TENM3: variants seen among roughly 807,000 people sequenced by gnomAD.
The protein encoded by TENM3 is teneurin-3.
Under a neutral mutation model 255.1 loss-of-function variants are expected in TENM3, and 63 were observed. The observed-to-expected ratio is 0.25, with a 90% CI of 0.20 to 0.30. The LOEUF (loss-of-function observed/expected upper bound fraction) is 0.30. TENM3 is among the 10% of genes least tolerant of loss of function. The pLI is 1.00. For synonymous variants in TENM3, 1,306 were observed against 1,322.3 expected (o/e 0.99, Z 0.27); for missense variants, 2,929 against 3,461.1 (o/e 0.85, Z 3.86).
chr4:182,684,882 C>CA (rs1469962973), intron 11 of TENM3, among the ~76,000 whole-genome samples: 1 of 152,104 alleles, frequency 6.6e-6, no homozygotes, highest in Admixed American at 6.6e-5. Flanking sequence ...GAAGCTAATT[C>CA]ACATGTTTAT....
chr4:182,630,384 T>C (rs1229568145), intron 5 of TENM3, among the ~76,000 whole-genome samples: 3 of 152,230 alleles, frequency 2.0e-5, no homozygotes, highest in African/African-American at 7.2e-5. Context: ...GTTAGCTGTG[T>C]ATATTATTTG....
chr4:182,073,747 T>G, the TENM3 span, among the ~76,000 whole-genome samples: 1 of 152,184 alleles, frequency 6.6e-6, no homozygotes, highest in Non-Finnish European at 1.5e-5. Flanking sequence ...AACTACTCAG[T>G]CTTGCCCCAT....
the TENM3 span, among the ~76,000 whole-genome samples, chr4:181,933,987 T>A: frequency 3.3e-5 from 5 of 152,224 alleles, no homozygotes; most frequent in East Asian, 9.6e-4. Context: ...TATCAATGTG[T>A]CTCTATTATT....
chr4:182,474,418 A>G (rs1291315787), intron 3 of TENM3, among the ~76,000 whole-genome samples: 1 of 152,118 alleles, frequency 6.6e-6, no homozygotes, highest in African/African-American at 2.4e-5. Context: ...AGCATTGTGG[A>G]TGGGATAATT....
At chr4:181,597,469 CT>C in the TENM3 span, among the ~76,000 whole-genome samples, 2 of 151,004 alleles carry the variant, frequency 1.3e-5, no homozygotes, top group Non-Finnish European at 3.0e-5. Flanking sequence ...TGTATATTAT[CT>C]TTTATTAAAT....
At chr4:181,634,458 A>C in the TENM3 span, among the ~76,000 whole-genome samples, 1 of 151,032 alleles carries the variant, frequency 6.6e-6, no homozygotes, top group African/African-American at 2.4e-5. Flanking sequence ...AAGGTGTGAA[A>C]CACTTTTTTT....
At chr4:182,556,086 A>G (rs569615458) in intron 3 of TENM3, among the ~76,000 whole-genome samples, 5 of 152,114 alleles carry the variant, frequency 3.3e-5, no homozygotes, top group Non-Finnish European at 4.4e-5. Flanking sequence ...TAGAAGTTTT[A>G]CCCCACTTCC....
chr4:181,518,199 T>A, the TENM3 span, among the ~76,000 whole-genome samples: 13 of 152,104 alleles, frequency 8.5e-5, no homozygotes, highest in African/African-American at 3.1e-4. Flanking sequence ...TCCAGACTGG[T>A]GAGTAAACAA....
chr4:181,624,322 G>A, the TENM3 span, among the ~76,000 whole-genome samples: 2 of 152,320 alleles, frequency 1.3e-5, no homozygotes, highest in South Asian at 2.1e-4. Context: ...GTCCAACCAC[G>A]CACTGGCTCT....
chr4:182,790,778 A>G (rs895500860), intron 25 of TENM3, among the ~76,000 whole-genome samples: 2 of 152,218 alleles, frequency 1.3e-5, no homozygotes, highest in East Asian at 3.9e-4. Context: ...GAAGAATAAC[A>G]GAAACATACA....
the TENM3 span, among the ~76,000 whole-genome samples, chr4:181,956,781 A>T: frequency 6.6e-6 from 1 of 152,224 alleles, no homozygotes; most frequent in Non-Finnish European, 1.5e-5. Flanking sequence ...CAGATGCTAT[A>T]GGCACTTGCT....
the TENM3 span, among the ~76,000 whole-genome samples, chr4:182,014,202 A>AT: frequency 2.0e-5 from 3 of 149,928 alleles, no homozygotes; most frequent in African/African-American, 7.3e-5. Context: ...ATATATATAT[A>AT]AAGTGTTAAA....
intron 1 of TENM3, among the ~76,000 whole-genome samples, chr4:182,276,435 G>C (rs775752646): frequency 9.9e-5 from 15 of 152,170 alleles, no homozygotes; most frequent in Non-Finnish European, 2.1e-4. Context: ...TTGTGATAAG[G>C]TGTTGAAAAG....
At chr4:182,122,343 T>C in the TENM3 span, among the ~76,000 whole-genome samples, 3 of 152,216 alleles carry the variant, frequency 2.0e-5, no homozygotes, top group South Asian at 2.1e-4. Context: ...ACTGACTTTG[T>C]CCAGATCCAT....
chr4:182,569,054 A>G (rs560616448), intron 3 of TENM3, among the ~76,000 whole-genome samples: 1 of 152,310 alleles, frequency 6.6e-6, no homozygotes, highest in Admixed American at 6.5e-5. Flanking sequence ...AGTGTGTGCT[A>G]TCTTGTTTTG....
the TENM3 span, among the ~76,000 whole-genome samples, chr4:181,559,747 C>T: frequency 1.3e-5 from 2 of 152,146 alleles, no homozygotes; most frequent in African/African-American, 2.4e-5. Flanking sequence ...GTGCCTTTGC[C>T]CCTGCTATTT....
At chr4:182,534,474 C>T (rs1209200252) in intron 3 of TENM3, among the ~76,000 whole-genome samples, 1 of 152,104 alleles carries the variant, frequency 6.6e-6, no homozygotes, top group African/African-American at 2.4e-5. Flanking sequence ...AGGGATATGC[C>T]ATGGTTTAAA....
At chr4:181,810,375 TG>T in the TENM3 span, among the ~76,000 whole-genome samples, 2 of 152,138 alleles carry the variant, frequency 1.3e-5, no homozygotes, top group Admixed American at 6.5e-5. Flanking sequence ...CTGAAACATC[TG>T]GCACCCAGTA....
chr4:182,261,899 A>G (rs957580339), intron 1 of TENM3, among the ~76,000 whole-genome samples: 1 of 152,326 alleles, frequency 6.6e-6, no homozygotes, highest in African/African-American at 2.4e-5. Flanking sequence ...GCAGCCTTCC[A>G]ACAAGACCAG....
Sources: gnomAD v4.1 joint callset for allele counts (sites outside exome capture counted in the v4.1 genomes callset) on GRCh38, gnomAD v4.1.1 for gene constraint, MANE v1.5 for transcripts, NCBI Gene and HGNC (gene_info 2026-07-23, HGNC 2026-07-21) for gene names.